The following ENPP1 variants were observed in gnomAD, a reference collection of about 807,000 sequenced individuals.
ENPP1 encodes the protein ectonucleotide pyrophosphatase/phosphodiesterase 1.
ENPP1 carries 73 observed loss-of-function variants against 122.8 expected under a neutral mutation model. That is an observed-to-expected ratio of 0.59 (90% CI 0.49 to 0.72). The LOEUF (loss-of-function observed/expected upper bound fraction) is 0.72, where lower values mean the gene tolerates loss of function less well. ENPP1 is among the 30% of genes least tolerant of loss of function. The pLI is 0.00. For missense variants in ENPP1, 978 were observed against 1,128.1 expected, an observed-to-expected ratio of 0.87 and a Z score of 1.91; for synonymous variants, 367 against 391.6, an observed-to-expected ratio of 0.94 and a Z score of 0.74.
chr6:131,808,382 G>C, intron 1 of ENPP1, 107 bp downstream of exon 1: 1 of 1,322,510 alleles, frequency 7.6e-7, no homozygotes, highest in Non-Finnish European at 9.8e-7. Context: ...CCGGAGAGAG[G>C]CATGGTCCGG....
intron 16 of ENPP1, 42 bp from the exon 17 acceptor site, chr6:131,875,734 C>T (rs1313825294): frequency 6.6e-7 from 1 of 1,512,176 alleles, no homozygotes; most frequent in South Asian, 1.1e-5. Context: ...AACTTGTAGA[C>T]AGCTGAAATG....
At chr6:131,878,016 A>AT (rs939753913) in intron 18 of ENPP1, among the ~76,000 whole-genome samples, 35 of 150,856 alleles carry the variant, frequency 2.3e-4, no homozygotes, top group African/African-American at 8.0e-4. Context: ...TCATATTCTT[A>AT]TTTTTTAATT....
Position 131,890,655 on chromosome 6 carries a change from A to G in ENPP1, c.*144A>G. The G allele has an allele frequency of 1.4e-5, 10 of 718,454 alleles. No individual in the cohort carries two copies. The highest frequency in any genetic ancestry group is 2.2e-5 in the Non-Finnish European group (9 of 406,764). 44.5% of individuals were successfully genotyped at this position (718,454 alleles called of 1,614,324 possible). On this transcript the variant is annotated 3_prime_UTR_variant, in exon 25 of 25. Coordinates refer to ENST00000647893, the MANE Select transcript of ENPP1 (RefSeq NM_006208.3). ...TCGGTGATGCGGACATCTCAGGGAA[A>G]CTTGCGTACTCAGCACAGCAGTGGA... is the stretch of plus-strand genomic sequence containing the variant.
At chr6:131,813,828 G>C (rs903706312) in intron 1 of ENPP1, among the ~76,000 whole-genome samples, 1 of 152,034 alleles carries the variant, frequency 6.6e-6, no homozygotes, top group Admixed American at 6.5e-5. Context: ...GCAGAGAGTG[G>C]GTCCACTCAG....
At chr6:131,828,088 G>T (rs543009833) in intron 1 of ENPP1, 39 of 617,368 alleles carry the variant, frequency 6.3e-5, no homozygotes, top group Non-Finnish European at 1.2e-4. Context: ...GCTGTTTCTC[G>T]TAACAGACAG....
At chr6:131,811,080 G>A (rs948594295) in intron 1 of ENPP1, among the ~76,000 whole-genome samples, 3 of 152,066 alleles carry the variant, frequency 2.0e-5, no homozygotes, top group African/African-American at 7.2e-5. Context: ...TTGAACTGAA[G>A]TGTAGACTTC....
chr6:131,890,186 A>G (rs1429136132), intron 24 of ENPP1, among the ~76,000 whole-genome samples, 155 bp from the exon 25 acceptor site: 1 of 152,192 alleles, frequency 6.6e-6, no homozygotes, highest in South Asian at 2.1e-4. Context: ...AAGGAAAGCT[A>G]CTCAAGAGGA....
rs765896678 is a variant in ENPP1 at position 131,864,854 on chromosome 6, T to G, written c.1092-12T>G. The G allele has an allele frequency of 1.9e-6, 3 of 1,541,102 alleles. No homozygotes were observed. Among genetic ancestry groups the G allele is most frequent in the African/African-American group, 2.7e-5 (2 of 73,468 alleles). Reference sequence around the variant, plus strand: ...TTCGTAAAATATTACATTTTGATACTGTTTGATTTAGACCACACTTTTACA... The same window carrying G: ...TTCGTAAAATATTACATTTTGATACGGTTTGATTTAGACCACACTTTTACA... On this transcript the variant is annotated splice_polypyrimidine_tract_variant and intron_variant, in intron 10 of 24. Coordinates refer to ENST00000647893, the MANE Select transcript of ENPP1 (RefSeq NM_006208.3).
intron 1 of ENPP1, among the ~76,000 whole-genome samples, chr6:131,841,433 T>C (rs113334107): frequency 3.3e-5 from 5 of 152,336 alleles, no homozygotes; most frequent in African/African-American, 1.2e-4. Context: ...GTCTGACACA[T>C]TGGAATACCA....
intron 6 of ENPP1, 128 bp downstream of exon 6, chr6:131,855,151 T>C (rs895950310): frequency 2.7e-6 from 2 of 739,242 alleles, no homozygotes. Context: ...GGCAAAGTAG[T>C]TGAACCTTGT....
chr6:131,853,132 G>T, intron 5 of ENPP1, among the ~76,000 whole-genome samples: 1 of 151,818 alleles, frequency 6.6e-6, no homozygotes, highest in East Asian at 1.9e-4. Flanking sequence ...AGTTCATTTT[G>T]TTCATGTATG....
At chr6:131,815,815 C>T (rs1380457142) in intron 1 of ENPP1, among the ~76,000 whole-genome samples, 3 of 151,630 alleles carry the variant, frequency 2.0e-5, no homozygotes. Context: ...AGTGATTATC[C>T]TGCCTTAGCC....
intron 1 of ENPP1, among the ~76,000 whole-genome samples, chr6:131,821,158 C>T (rs60867167): frequency 0.018 from 2,693 of 152,202 alleles, 77 homozygotes; most frequent in African/African-American, 0.062. Flanking sequence ...ATCTTGGGCC[C>T]CACCCCAGAC....
At position 131,877,011 on chromosome 6, in the gene ENPP1, G is replaced by A. The variant is rs201696973; in HGVS notation, c.1743G>A (p.Pro581=). The A allele has an allele frequency of 1.4e-5, 23 of 1,613,910 alleles. No individual in the cohort carries two copies. Among genetic ancestry groups the A allele is most frequent in the Admixed American group, 3.3e-5 (2 of 59,998 alleles). Residue 581 remains proline, a synonymous_variant, in exon 18 of 25, where the codon CCG becomes CCA. Coordinates refer to ENST00000647893, the MANE Select transcript of ENPP1 (RefSeq NM_006208.3). ...ATGCAGATTTACTGAATTTGACACC[G>A]GCTCCTAATAACGGAACTCATGGAA... ...NLMCDLLNLT[P]APNNGTHGSL...
rs1782181967 is a variant in ENPP1 at position 131,873,000 on chromosome 6, T to C, written c.1515T>C (p.Asp505=). The C allele has an allele frequency of 1.2e-6, 2 of 1,613,906 alleles. No individual in the cohort carries two copies. The highest frequency in any genetic ancestry group is 2.2e-5 in the South Asian group (2 of 91,080). ...LPKRLHFAKS[D]RIEPLTFYLD... ...AGCGTTTGCACTTTGCTAAGAGTGA[T>C]AGAATTGAGCCCTTGACATTCTATT... The change falls in exon 15 of 25, where the codon GAT becomes GAC. Residue 505 remains aspartate, a synonymous_variant. Transcript: ENST00000647893.
At chr6:131,834,176 T>A (rs1371499319) in intron 1 of ENPP1, among the ~76,000 whole-genome samples, 6 of 152,258 alleles carry the variant, frequency 3.9e-5, no homozygotes, top group African/African-American at 1.4e-4. Flanking sequence ...CTTGGTGAGA[T>A]CTTAGTAAAG....
intron 11 of ENPP1, among the ~76,000 whole-genome samples, chr6:131,866,094 T>TA (rs1782087464): frequency 6.6e-6 from 1 of 152,048 alleles, no homozygotes; most frequent in African/African-American, 2.4e-5. Flanking sequence ...TGACCTAAGA[T>TA]ATGAAAGGAA....
At chr6:131,880,575 A>T (rs1202141441) in intron 20 of ENPP1, among the ~76,000 whole-genome samples, 1 of 151,590 alleles carries the variant, frequency 6.6e-6, no homozygotes, top group Non-Finnish European at 1.5e-5. Flanking sequence ...TCAAAAAAAA[A>T]AAAGAAAGAA....
At chr6:131,810,561 G>T (rs543464722) in intron 1 of ENPP1, among the ~76,000 whole-genome samples, 2 of 150,666 alleles carry the variant, frequency 1.3e-5, no homozygotes, top group African/African-American at 4.9e-5. Flanking sequence ...GAAAGGAGCT[G>T]CAATTATAGA....
Sources: allele counts gnomAD v4.1 joint callset (sites outside exome capture counted in the v4.1 genomes callset), GRCh38; gene constraint gnomAD v4.1.1; transcripts MANE v1.5; gene names NCBI Gene and HGNC (gene_info 2026-07-23, HGNC 2026-07-21).